The following SORCS1 variants were observed in gnomAD, a reference collection of about 807,000 sequenced individuals.
SORCS1 encodes the protein sortilin related VPS10 domain containing receptor 1, also known as VPS10 domain-containing receptor SorCS1.
SORCS1 carries 60 observed loss-of-function variants against 146.1 expected under a neutral mutation model. The ratio of observed to expected loss-of-function variants is 0.41; its 90% CI spans 0.33 to 0.51. The LOEUF (loss-of-function observed/expected upper bound fraction) is 0.51, where lower values mean the gene tolerates loss of function less well. SORCS1 is among the 20% of genes least tolerant of loss of function. SORCS1 has a pLI of 0.21. For missense variants in SORCS1, 1,352 were observed against 1,487.6 expected (o/e 0.91, Z 1.50); for synonymous variants, 637 against 584.0 (o/e 1.09, Z -1.31).
At chr10:106,714,555 T>C (rs987882234) in intron 6 of SORCS1, among the ~76,000 whole-genome samples, 2 of 152,166 alleles carry the variant, frequency 1.3e-5, no homozygotes, top group Non-Finnish European at 2.9e-5. Context: ...CTAAAATTAT[T>C]CCAAAATAAA....
chr10:107,035,435 T>C (rs1335045625), intron 1 of SORCS1, among the ~76,000 whole-genome samples: 3 of 152,154 alleles, frequency 2.0e-5, no homozygotes, highest in African/African-American at 7.2e-5. Flanking sequence ...CGCAGCTTAG[T>C]GCCCTACCAT....
At chr10:106,786,472 G>A (rs888755747) in intron 3 of SORCS1, among the ~76,000 whole-genome samples, 2 of 152,096 alleles carry the variant, frequency 1.3e-5, no homozygotes, top group Non-Finnish European at 2.9e-5. Context: ...ATATAGCAGT[G>A]GTTTCCTTCA....
chr10:106,620,551 C>G lies in SORCS1; in HGVS notation c.2673G>C (p.Glu891Asp). 6.2e-7 allele frequency: 1 copy of G among 1,613,826 alleles called. No homozygotes were observed. Among genetic ancestry groups the G allele is most frequent in the Non-Finnish European group, 8.5e-7 (1 of 1,179,802 alleles). Residue 891 changes from glutamate to aspartate, a missense_variant, in exon 20 of 26, where the codon GAG becomes GAC. Coordinates refer to ENST00000263054, the MANE Select transcript of SORCS1 (RefSeq NM_052918.5). ...VLYLHVTCPLEHVHLSLPFVT... is the reference protein window; with the variant it reads ...VLYLHVTCPLDHVHLSLPFVT... ...CAAAGGGAAGAGACAGGTGCACGTG[C>G]TCCAAGGGACCTGAGGCACAAGAGA...
At chr10:106,796,110 T>C (rs1946542741) in intron 3 of SORCS1, among the ~76,000 whole-genome samples, 1 of 152,232 alleles carries the variant, frequency 6.6e-6, no homozygotes, top group Non-Finnish European at 1.5e-5. Context: ...GATCTTCCTG[T>C]GGCACTGGAT....
the SORCS1 span, among the ~76,000 whole-genome samples, chr10:107,171,032 C>T: frequency 3.9e-5 from 6 of 152,186 alleles, no homozygotes; most frequent in Non-Finnish European, 7.3e-5. Flanking sequence ...TCACCTTCCT[C>T]ATGTGAGACT....
intron 1 of SORCS1, among the ~76,000 whole-genome samples, chr10:107,011,714 AC>A (rs1957703199): frequency 6.6e-6 from 1 of 152,198 alleles, no homozygotes; most frequent in Non-Finnish European, 1.5e-5. Flanking sequence ...CCTTCTCCTT[AC>A]AATTCTCCTA....
At chr10:106,590,314 T>C (rs1564750352) in intron 24 of SORCS1, among the ~76,000 whole-genome samples, 1 of 152,160 alleles carries the variant, frequency 6.6e-6, no homozygotes. Flanking sequence ...TTCATGCAAC[T>C]AGTATTTGTG....
At chr10:107,041,938 A>G (rs1305309258) in intron 1 of SORCS1, among the ~76,000 whole-genome samples, 1 of 152,212 alleles carries the variant, frequency 6.6e-6, no homozygotes, top group Non-Finnish European at 1.5e-5. Context: ...TTTTGGAAAA[A>G]TGCAAATCTT....
At chr10:106,685,015 T>C (rs928242070) in intron 10 of SORCS1, among the ~76,000 whole-genome samples, 2 of 152,294 alleles carry the variant, frequency 1.3e-5, no homozygotes, top group Admixed American at 6.5e-5. Flanking sequence ...CAGGGTTAAC[T>C]AAGAAGGAAG....
At chr10:107,041,176 G>C (rs1245452211) in intron 1 of SORCS1, among the ~76,000 whole-genome samples, 1 of 152,024 alleles carries the variant, frequency 6.6e-6, no homozygotes, top group East Asian at 1.9e-4. Context: ...GAAATAATTT[G>C]AATTTAGGGA....
chr10:107,156,274 T>C (rs181388624), intron 1 of SORCS1, among the ~76,000 whole-genome samples: 1 of 152,320 alleles, frequency 6.6e-6, no homozygotes, highest in Non-Finnish European at 1.5e-5. Context: ...AGAGCTTTGG[T>C]TCCAGAAAGG....
At chr10:106,612,184 C>T (rs1847039004) in intron 21 of SORCS1, among the ~76,000 whole-genome samples, 161 bp from the exon 22 acceptor site, 1 of 152,058 alleles carries the variant, frequency 6.6e-6, no homozygotes, top group African/African-American at 2.4e-5. Context: ...CTCACCAGCC[C>T]CTTCTTTTCT....
At chr10:106,830,823 G>C (rs1191666599) in intron 2 of SORCS1, among the ~76,000 whole-genome samples, 1 of 150,204 alleles carries the variant, frequency 6.7e-6, no homozygotes, top group African/African-American at 2.5e-5. Context: ...TTGAAACCAG[G>C]AGGCAGAGAC....
chr10:106,692,563 C>G (rs1195713189), intron 9 of SORCS1, among the ~76,000 whole-genome samples: 2 of 152,162 alleles, frequency 1.3e-5, no homozygotes, highest in Admixed American at 6.5e-5. Context: ...TCTGTGAACA[C>G]ACTAGAAACC....
At chr10:107,168,532 T>C (rs1266442396), upstream of SORCS1, among the ~76,000 whole-genome samples, 1 of 152,152 alleles carries the variant, frequency 6.6e-6, no homozygotes, top group Non-Finnish European at 1.5e-5. Flanking sequence ...GCTCAATAAA[T>C]AATGGCTGGT....
In SORCS1 at chr10:107,048,994, T is replaced by C. The variant is rs371283053; in HGVS notation, c.559-92414A>G. Among the ~76,000 whole-genome samples the C allele has an allele frequency of 5.9e-5, 9 of 152,016 alleles. No individual in the cohort carries two copies. The South Asian group carries it at 1.2e-3, about 21-fold the overall frequency. On this transcript the variant is annotated intron_variant, in intron 1 of 25. Transcript: ENST00000263054. Reference sequence around the variant, plus strand: ...ACAATTATTGCGGCACTACTCACAATAGCAAAGACTTGGAACCAATCCAAA... The same window carrying C: ...ACAATTATTGCGGCACTACTCACAACAGCAAAGACTTGGAACCAATCCAAA...
intron 3 of SORCS1, among the ~76,000 whole-genome samples, chr10:106,785,399 A>G (rs1415332641): frequency 6.6e-6 from 1 of 152,132 alleles, no homozygotes; most frequent in Non-Finnish European, 1.5e-5. Context: ...ATAAGCTTTT[A>G]GATCTCACTG....
At chr10:106,983,197 CAT>C (rs1307349923) in intron 1 of SORCS1, among the ~76,000 whole-genome samples, 2 of 145,122 alleles carry the variant, frequency 1.4e-5, no homozygotes, top group Non-Finnish European at 3.0e-5. Context: ...TCTATATATA[CAT>C]ATTTCTATAT....
chr10:106,802,369 T>A (rs1484921014), intron 3 of SORCS1, among the ~76,000 whole-genome samples: 1 of 152,180 alleles, frequency 6.6e-6, no homozygotes, highest in Non-Finnish European at 1.5e-5. Context: ...TCTCACTCTG[T>A]CACCCAGGCT....
Sources: gnomAD v4.1 joint callset for allele counts (sites outside exome capture counted in the v4.1 genomes callset) on GRCh38, gnomAD v4.1.1 for gene constraint, MANE v1.5 for transcripts, NCBI Gene and HGNC (gene_info 2026-07-23, HGNC 2026-07-21) for gene names.